PLEKHA8: variants seen among roughly 807,000 people sequenced by gnomAD.
PLEKHA8 encodes pleckstrin homology domain-containing family A member 8.
A neutral mutation model predicts 68.2 loss-of-function variants in PLEKHA8; 36 were observed. That is an observed-to-expected ratio of 0.53 (90% CI 0.40 to 0.70). The LOEUF (loss-of-function observed/expected upper bound fraction) is 0.70, where lower values mean the gene tolerates loss of function less well. Ranked by LOEUF, PLEKHA8 falls within the 30% of genes least tolerant of loss-of-function variation. The probability of loss-of-function intolerance (pLI) is 0.00; values close to 1 mark genes in which losing one functional copy is unlikely to be tolerated. For synonymous variants in PLEKHA8, 211 were observed against 216.1 expected (o/e 0.98, Z 0.20); for missense variants, 505 against 615.4 (o/e 0.82, Z 1.90).
intron 13 of PLEKHA8, among the ~76,000 whole-genome samples, chr7:30,126,932 G>A (rs1583494801): frequency 6.6e-6 from 1 of 152,344 alleles, no homozygotes; most frequent in African/African-American, 2.4e-5. Flanking sequence ...TGAGATTCGG[G>A]TGGGGACACA....
In PLEKHA8 at chr7:30,075,942, TAGAA is replaced by T. The variant is rs562712866; in HGVS notation, c.1362+1814_1362+1817del. On this transcript the variant is annotated intron_variant, in intron 13 of 13. Coordinates refer to ENST00000449726, the MANE Select transcript of PLEKHA8 (RefSeq NM_001197026.2). ...TCATAAAAAATTTTAGAAATCATGG[TAGAA>T]AGAGAAGAAATTAAAACTGTCCATA... Among the ~76,000 whole-genome samples the T allele has an allele frequency of 1.9e-4, 29 of 152,280 alleles. 1 individual carries two copies. The South Asian group carries it at 5.2e-3, about 27-fold the overall frequency.
chr7:30,104,691 T>G (rs1030105933), intron 13 of PLEKHA8, among the ~76,000 whole-genome samples: 8 of 151,244 alleles, frequency 5.3e-5, no homozygotes, highest in Non-Finnish European at 1.0e-4. Flanking sequence ...GGATGGGTGT[T>G]GAGTGGTAAA....
chr7:30,082,886 G>GT lies in PLEKHA8; in HGVS notation c.*4106dup. On this transcript the variant is annotated 3_prime_UTR_variant, in exon 14 of 14. Coordinates refer to ENST00000449726, the MANE Select transcript of PLEKHA8 (RefSeq NM_001197026.2). Reference sequence around the variant, plus strand: ...GGGGAGCTTCCTGGAGGAAAATTAAGTTTTTTTCCTAGCAAACTACCATGT... The same window carrying GT: ...GGGGAGCTTCCTGGAGGAAAATTAAGTTTTTTTTCCTAGCAAACTACCATGT... The GT allele has an allele frequency of 3.0e-6, 3 of 985,280 alleles. No individual in the cohort carries two copies. Among genetic ancestry groups the GT allele is most frequent in the Non-Finnish European group, 3.6e-6 (3 of 829,882 alleles). The allele number at this position is 985,280 out of a possible 1,614,324, so 61.0% of individuals were successfully genotyped here.
chr7:30,032,382 T>G (rs1790732189), intron 1 of PLEKHA8, among the ~76,000 whole-genome samples: 1 of 152,238 alleles, frequency 6.6e-6, no homozygotes, highest in Admixed American at 6.5e-5. Flanking sequence ...TTGTAAGAAC[T>G]GTTAAAAATT....
chr7:30,121,047 A>T (rs1331029233), intron 13 of PLEKHA8, among the ~76,000 whole-genome samples: 1 of 151,836 alleles, frequency 6.6e-6, no homozygotes, highest in Non-Finnish European at 1.5e-5. Flanking sequence ...AATCTATTTA[A>T]TCTGTGGGAA....
At chr7:30,072,629 G>T (rs993041848) in intron 12 of PLEKHA8, among the ~76,000 whole-genome samples, 1 of 152,122 alleles carries the variant, frequency 6.6e-6, no homozygotes, top group African/African-American at 2.4e-5. Flanking sequence ...TTGTACTTGT[G>T]GTTTTAGTGT....
intron 1 of PLEKHA8, among the ~76,000 whole-genome samples, chr7:30,033,435 G>GT (rs201577323): frequency 0.018 from 2,681 of 151,922 alleles, 34 homozygotes; most frequent in Non-Finnish European, 0.026. Flanking sequence ...GTAGCATAAT[G>GT]TTTTTTTTGG....
chr7:30,031,424 A>G (rs560999953), intron 1 of PLEKHA8, among the ~76,000 whole-genome samples: 15 of 152,166 alleles, frequency 9.9e-5, no homozygotes, highest in Admixed American at 6.5e-4. Context: ...GGAAATAAAG[A>G]AGAACTTTTC....
chr7:30,048,597 A>G (rs916501892), intron 4 of PLEKHA8, among the ~76,000 whole-genome samples: 12 of 152,382 alleles, frequency 7.9e-5, no homozygotes, highest in African/African-American at 1.4e-4. Flanking sequence ...TAAGCTATGT[A>G]TAGAATGGCT....
intron 1 of PLEKHA8, among the ~76,000 whole-genome samples, chr7:30,034,964 T>G (rs1443349851): frequency 6.6e-6 from 1 of 152,230 alleles, no homozygotes; most frequent in Non-Finnish European, 1.5e-5. Context: ...CTTAAGGCTT[T>G]AAAAATAGTT....
chr7:30,050,372 T>A, intron 5 of PLEKHA8, 62 bp from the exon 6 acceptor site: 1 of 1,515,448 alleles, frequency 6.6e-7, no homozygotes, highest in Non-Finnish European at 8.8e-7. Flanking sequence ...TGTAATAAGA[T>A]CATAAATATG....
intron 10 of PLEKHA8, among the ~76,000 whole-genome samples, chr7:30,061,389 CTCTT>C (rs765730853): frequency 4.6e-5 from 7 of 152,196 alleles, no homozygotes; most frequent in Non-Finnish European, 1.0e-4. Context: ...ATCTCTGAGC[CTCTT>C]TCTTCCAGGT....
intron 13 of PLEKHA8, among the ~76,000 whole-genome samples, chr7:30,100,584 C>A (rs1455036477): frequency 6.6e-6 from 1 of 151,902 alleles, no homozygotes; most frequent in East Asian, 1.9e-4. Flanking sequence ...TTAAATAAAT[C>A]TTATAGAGGA....
At chr7:30,054,224 G>A (rs1792644330) in intron 7 of PLEKHA8, among the ~76,000 whole-genome samples, 1 of 152,206 alleles carries the variant, frequency 6.6e-6, no homozygotes, top group African/African-American at 2.4e-5. Flanking sequence ...CTAGGAATAT[G>A]TGTGTCCGGC....
chr7:30,051,716 A>G (rs937250779), intron 6 of PLEKHA8, among the ~76,000 whole-genome samples: 5 of 152,062 alleles, frequency 3.3e-5, no homozygotes, highest in South Asian at 2.1e-4. Context: ...GCTCACGCCT[A>G]TAATCCCAGC....
At chr7:30,050,867 G>A (rs1417760185) in intron 6 of PLEKHA8, 1 of 153,574 alleles carries the variant, frequency 6.5e-6, no homozygotes, top group African/African-American at 2.4e-5. Flanking sequence ...ATCTTAGGTA[G>A]CGTTGCAGGT....
chr7:30,110,685 T>C lies in PLEKHA8; in HGVS notation c.1363-18581T>C, dbSNP rs371297290. Among the ~76,000 whole-genome samples, 12 of 152,318 alleles carry C rather than the reference T, an allele frequency of 7.9e-5. No individual in the cohort carries two copies. The East Asian group carries it at 1.7e-3, about 22-fold the overall frequency. ...TTCTTTACATCCCCATCAACGCTTGTTATCATCTGCTTTTGTTTTTCCTTT... is the reference window on the plus strand; with the variant it reads ...TTCTTTACATCCCCATCAACGCTTGCTATCATCTGCTTTTGTTTTTCCTTT... On this transcript the variant is annotated intron_variant, in intron 13 of 13. Coordinates refer to the PLEKHA8 transcript ENST00000396257.
chr7:30,116,901 C>T (rs1254021674), intron 13 of PLEKHA8, among the ~76,000 whole-genome samples: 1 of 152,170 alleles, frequency 6.6e-6, no homozygotes, highest in Admixed American at 6.5e-5. Context: ...GATCTGAAAC[C>T]TAGGCTGGGA....
chr7:30,127,424 G>C (rs1053558459), intron 13 of PLEKHA8, among the ~76,000 whole-genome samples: 1 of 152,170 alleles, frequency 6.6e-6, no homozygotes, highest in Non-Finnish European at 1.5e-5. Flanking sequence ...AAGATCATTT[G>C]GGATTCCTTA....
Sources: gnomAD v4.1 joint callset for allele counts (sites outside exome capture counted in the v4.1 genomes callset) on GRCh38, gnomAD v4.1.1 for gene constraint, MANE v1.5 for transcripts, NCBI Gene and HGNC (gene_info 2026-07-23, HGNC 2026-07-21) for gene names.